Variants in SMAD3 observed in about 807,000 individuals in gnomAD.
SMAD3 encodes the protein MAD homolog 3.
SMAD3 carries 12 observed loss-of-function variants against 51.8 expected under a neutral mutation model. That is an observed-to-expected ratio of 0.23 (90% CI 0.15 to 0.38). The LOEUF (loss-of-function observed/expected upper bound fraction) is 0.38, where lower values mean the gene tolerates loss of function less well. SMAD3 is among the 10% of genes least tolerant of loss of function. The pLI, the probability that SMAD3 is intolerant of heterozygous loss-of-function variation, is 1.00. For synonymous variants in SMAD3, 238 were observed against 227.7 expected (o/e 1.05, Z -0.41); for missense variants, 294 against 565.6 (o/e 0.52, Z 4.87).
At chr15:67,190,294 C>T (rs141032063) in intron 8 of SMAD3, 119 bp from the exon 9 acceptor site, 21 of 934,058 alleles carry the variant, frequency 2.2e-5, no homozygotes, top group African/African-American at 1.4e-4. Flanking sequence ...TCTAGGACAG[C>T]GTCTAACAGC....
intron 1 of SMAD3, among the ~76,000 whole-genome samples, chr15:67,083,131 G>A (rs556869679): frequency 6.6e-6 from 1 of 152,290 alleles, no homozygotes; most frequent in South Asian, 2.1e-4. Flanking sequence ...GGTGAGCCGG[G>A]GCATGAAACC....
chr15:67,161,343 T>G (rs1486977869), intron 1 of SMAD3, among the ~76,000 whole-genome samples: 2 of 152,210 alleles, frequency 1.3e-5, no homozygotes, highest in Non-Finnish European at 2.9e-5. Flanking sequence ...TTTTAAAAGT[T>G]TAATTAATAT....
chr15:67,166,869 T>C lies in SMAD3; in HGVS notation c.607+16T>C, dbSNP rs1226886546. 6.4e-7 allele frequency: 1 copy of C among 1,569,950 alleles called. No individual in the cohort carries two copies. Among genetic ancestry groups the C allele is most frequent in the Admixed American group, 1.9e-5 (1 of 53,900 alleles). The stretch of plus-strand genomic sequence containing the variant: ...ATGGACGCAGGTCAGTCATGCAGGG[T>C]CATGCTCTTATTCTTAACTGATTAG... On this transcript the variant is annotated intron_variant, in intron 4 of 8. Transcript: ENST00000327367.
chr15:67,069,964 A>T (rs975925086), intron 1 of SMAD3, among the ~76,000 whole-genome samples: 1 of 152,178 alleles, frequency 6.6e-6, no homozygotes, highest in Non-Finnish European at 1.5e-5. Context: ...TTGGCCTGCC[A>T]AAGTGCTGGG....
chr15:67,106,660 G>T, intron 1 of SMAD3, among the ~76,000 whole-genome samples: 1 of 152,082 alleles, frequency 6.6e-6, no homozygotes, highest in African/African-American at 2.4e-5. Flanking sequence ...CTATTTACAG[G>T]CGTACATCAT....
intron 1 of SMAD3, among the ~76,000 whole-genome samples, chr15:67,077,257 G>T (rs1404263915): frequency 6.6e-6 from 1 of 152,164 alleles, no homozygotes; most frequent in African/African-American, 2.4e-5. Context: ...ATGTATGTAT[G>T]TATTTATTTT....
chr15:67,173,878 G>A (rs906601861), intron 5 of SMAD3, among the ~76,000 whole-genome samples: 1 of 152,160 alleles, frequency 6.6e-6, no homozygotes, highest in African/African-American at 2.4e-5. Flanking sequence ...TTGTTGACCA[G>A]CGTTAAGTGG....
At chr15:67,155,940 C>T (rs1018895425) in intron 1 of SMAD3, among the ~76,000 whole-genome samples, 26 of 150,746 alleles carry the variant, frequency 1.7e-4, no homozygotes, top group African/African-American at 6.1e-4. Flanking sequence ...GAGCCAAGAT[C>T]GTGCCATTGC....
chr15:67,070,385 A>G (rs1053299791), intron 1 of SMAD3, among the ~76,000 whole-genome samples: 7 of 152,152 alleles, frequency 4.6e-5, no homozygotes, highest in Non-Finnish European at 8.8e-5. Flanking sequence ...TTCCCTGGGA[A>G]CATTTAGAAC....
At chr15:67,103,435 C>T (rs559721775) in intron 1 of SMAD3, among the ~76,000 whole-genome samples, 2 of 152,198 alleles carry the variant, frequency 1.3e-5, no homozygotes, top group African/African-American at 4.8e-5. Flanking sequence ...CAGCAGAACA[C>T]GATGCAAACA....
chr15:67,182,562 A>T (rs1360858232), intron 6 of SMAD3, among the ~76,000 whole-genome samples: 1 of 152,234 alleles, frequency 6.6e-6, no homozygotes, highest in East Asian at 1.9e-4. Context: ...CGCTTGCTTT[A>T]TATCTCGGGC....
chr15:67,180,772 C>T (rs769049367), intron 5 of SMAD3, among the ~76,000 whole-genome samples: 25 of 151,962 alleles, frequency 1.6e-4, no homozygotes, highest in Non-Finnish European at 2.9e-4. Context: ...ATGTGGGTTA[C>T]TCTGGGGACC....
At chr15:67,148,820 C>T (rs1236598660) in intron 1 of SMAD3, among the ~76,000 whole-genome samples, 8 of 152,220 alleles carry the variant, frequency 5.3e-5, no homozygotes, top group African/African-American at 4.8e-5. Context: ...TGCTGATGCA[C>T]GCTATCAGCT....
chr15:67,156,825 G>A (rs2140283518), intron 1 of SMAD3, among the ~76,000 whole-genome samples: 1 of 152,182 alleles, frequency 6.6e-6, no homozygotes, highest in East Asian at 1.9e-4. Flanking sequence ...GGGTGGGAGA[G>A]GGAAGTCCCA....
At position 67,164,197 on chromosome 15, in the gene SMAD3, C is replaced by T. The variant is rs1271537060; in HGVS notation, c.207-698C>T. Reference sequence around the variant, plus strand: ...GGGCGTAGTGGCGGGTGCCTGTGGTCCCAGCTACTCAGGAGGCTGAGGCGG... The same window carrying T: ...GGGCGTAGTGGCGGGTGCCTGTGGTTCCAGCTACTCAGGAGGCTGAGGCGG... On this transcript the variant is annotated intron_variant, in intron 1 of 8. Coordinates refer to ENST00000327367, the MANE Select transcript of SMAD3 (RefSeq NM_005902.4). 4.7e-5 allele frequency among the ~76,000 whole-genome samples: 7 copies of T among 150,036 alleles called. No individual in the cohort carries two copies. The South Asian group carries it at 6.3e-4, about 14-fold the overall frequency.
intron 6 of SMAD3, among the ~76,000 whole-genome samples, chr15:67,183,989 G>A (rs1366991978): frequency 8.5e-5 from 13 of 152,066 alleles, no homozygotes; most frequent in Admixed American, 7.9e-4. Context: ...GGAGTGTGAA[G>A]AGACCAAATA....
chr15:67,181,461 G>A lies in SMAD3; in HGVS notation c.871+8G>A. ...TGACACGGAGACACATCGGTATGGG[G>A]TGGCTCCATTCCCCGCCCCCCCACC... On this transcript the variant is annotated splice_region_variant and intron_variant, in intron 6 of 8. Coordinates refer to ENST00000327367, the MANE Select transcript of SMAD3 (RefSeq NM_005902.4). 6.2e-7 allele frequency: 1 copy of A among 1,607,770 alleles called. No individual in the cohort carries two copies. The highest frequency in any genetic ancestry group is 8.5e-7 in the Non-Finnish European group (1 of 1,178,370).
At chr15:67,117,424 C>A (rs1348289812) in intron 1 of SMAD3, among the ~76,000 whole-genome samples, 5 of 152,154 alleles carry the variant, frequency 3.3e-5, no homozygotes, top group Non-Finnish European at 4.4e-5. Flanking sequence ...CCAACTCCTT[C>A]ATTTTACAGA....
intron 1 of SMAD3, among the ~76,000 whole-genome samples, chr15:67,154,949 C>T (rs544231201): frequency 2.0e-5 from 3 of 152,246 alleles, no homozygotes; most frequent in South Asian, 2.1e-4. Flanking sequence ...GTTTTACACA[C>T]GTCATTGGAA....
Sources: gnomAD v4.1 joint callset for allele counts (sites outside exome capture counted in the v4.1 genomes callset) on GRCh38, gnomAD v4.1.1 for gene constraint, MANE v1.5 for transcripts, NCBI Gene and HGNC (gene_info 2026-07-23, HGNC 2026-07-21) for gene names.